DISC1: variants seen among roughly 807,000 people sequenced by gnomAD.
DISC1 encodes DISC1 scaffold protein, also known as disrupted in schizophrenia 1 protein.
Under a neutral mutation model 84.5 loss-of-function variants are expected in DISC1, and 57 were observed. The ratio of observed to expected loss-of-function variants is 0.67; its 90% CI spans 0.55 to 0.84. The LOEUF (loss-of-function observed/expected upper bound fraction) is 0.84. DISC1 is among the 40% of genes least tolerant of loss of function. The pLI, the probability that DISC1 is intolerant of heterozygous loss-of-function variation, is 0.00. For missense variants in DISC1, 1,000 were observed against 1,057.8 expected (o/e 0.95, Z 0.76); for synonymous variants, 411 against 415.2 (o/e 0.99, Z 0.12).
chr1:231,776,646 A>C (rs1021574802), intron 6 of DISC1, among the ~76,000 whole-genome samples: 1 of 152,240 alleles, frequency 6.6e-6, no homozygotes, highest in African/African-American at 2.4e-5. Context: ...AGGCATCCTC[A>C]TCACACCTGT....
chr1:231,958,288 T>C (rs1659868303), intron 9 of DISC1, among the ~76,000 whole-genome samples: 1 of 152,262 alleles, frequency 6.6e-6, no homozygotes, highest in African/African-American at 2.4e-5. Context: ...GCGCTGAGTT[T>C]ATCTCAAAGA....
intron 9 of DISC1, among the ~76,000 whole-genome samples, chr1:231,904,012 G>A (rs1020414880): frequency 6.6e-6 from 1 of 152,214 alleles, no homozygotes; most frequent in Admixed American, 6.5e-5. Flanking sequence ...GGTTCAGGCA[G>A]CATGGGAGCC....
At chr1:231,873,412 TATG>T (rs1199237294) in intron 9 of DISC1, among the ~76,000 whole-genome samples, 2 of 152,220 alleles carry the variant, frequency 1.3e-5, no homozygotes, top group African/African-American at 4.8e-5. Flanking sequence ...AGCCCCTTTC[TATG>T]ATGTCCTTTG....
At chr1:231,903,321 C>A (rs2088344049) in intron 9 of DISC1, among the ~76,000 whole-genome samples, 1 of 152,176 alleles carries the variant, frequency 6.6e-6, no homozygotes, top group South Asian at 2.1e-4. Context: ...GTGAAGACCT[C>A]CCTTATTTCC....
At chr1:231,999,466 C>G (rs573630875) in intron 10 of DISC1, among the ~76,000 whole-genome samples, 1 of 152,140 alleles carries the variant, frequency 6.6e-6, no homozygotes. Context: ...CAATAAGCAG[C>G]CAGGGGAGAG....
chr1:231,766,420 TA>T (rs35058807), intron 4 of DISC1, among the ~76,000 whole-genome samples: 1 of 150,856 alleles, frequency 6.6e-6, no homozygotes, highest in Non-Finnish European at 1.5e-5. Flanking sequence ...GTGCTGGGAA[TA>T]AAAAAAAATG....
rs73113441 is a variant in DISC1, at chr1:231,663,922, G to A, written c.68-29904G>A. On this transcript the variant is annotated intron_variant, in intron 1 of 12. Coordinates refer to ENST00000439617, the MANE Select transcript of DISC1 (RefSeq NM_018662.3). ...GCCCAAATACTGATCTTAATCCTAA[G>A]GATTAGCTAATAGAAGCATCATAGG... is the stretch of plus-strand genomic sequence containing the variant. Among the ~76,000 whole-genome samples the A allele has an allele frequency of 9.3e-4, 142 of 152,066 alleles. 1 individual carries two copies. Among genetic ancestry groups the A allele is most frequent in the African/African-American group, 3.2e-3 (134 of 41,464 alleles).
chr1:231,802,261 C>T (rs1339389617), intron 8 of DISC1, among the ~76,000 whole-genome samples: 4 of 152,172 alleles, frequency 2.6e-5, no homozygotes, highest in East Asian at 1.9e-4. Flanking sequence ...ATCATGAGGG[C>T]GGTTTCCCCC....
At chr1:231,860,807 T>G (rs988675551) in intron 9 of DISC1, among the ~76,000 whole-genome samples, 1 of 152,200 alleles carries the variant, frequency 6.6e-6, no homozygotes, top group African/African-American at 2.4e-5. Context: ...TCCCTACCCT[T>G]TATCTCTCAC....
chr1:231,974,452 G>T (rs552384333), intron 10 of DISC1, among the ~76,000 whole-genome samples: 1 of 152,184 alleles, frequency 6.6e-6, no homozygotes, highest in East Asian at 1.9e-4. Context: ...GTGAAAATAA[G>T]CCTAGTAAAA....
intron 9 of DISC1, among the ~76,000 whole-genome samples, chr1:231,898,189 A>C (rs1216539589): frequency 6.6e-6 from 1 of 152,252 alleles, no homozygotes; most frequent in Non-Finnish European, 1.5e-5. Flanking sequence ...GCAAATGTTT[A>C]ACAATGGTTA....
intron 4 of DISC1, among the ~76,000 whole-genome samples, chr1:231,755,813 C>T (rs779254925): frequency 6.6e-6 from 1 of 152,218 alleles, no homozygotes; most frequent in Non-Finnish European, 1.5e-5. Context: ...CTGTCTCTCT[C>T]ATTTCCACTC....
intron 3 of DISC1, among the ~76,000 whole-genome samples, chr1:231,718,530 G>A (rs989054341): frequency 1.3e-5 from 2 of 151,352 alleles, no homozygotes; most frequent in Non-Finnish European, 2.9e-5. Context: ...TCCGTCTCCC[G>A]GGTTCAAGCG....
At chr1:231,829,820 A>G (rs1432853913) in intron 9 of DISC1, among the ~76,000 whole-genome samples, 1 of 148,618 alleles carries the variant, frequency 6.7e-6, no homozygotes, top group Non-Finnish European at 1.5e-5. Context: ...TTGGGTAGGT[A>G]AAGGAAAATT....
chr1:231,706,322 T>C (rs2067087136), intron 3 of DISC1, among the ~76,000 whole-genome samples: 1 of 152,014 alleles, frequency 6.6e-6, no homozygotes, highest in Non-Finnish European at 1.5e-5. Context: ...GGAACTGTGG[T>C]CAGTACTGGA....
At chr1:231,871,964 C>T (rs1319852788) in intron 9 of DISC1, among the ~76,000 whole-genome samples, 1 of 152,174 alleles carries the variant, frequency 6.6e-6, no homozygotes, top group East Asian at 1.9e-4. Context: ...TGGAGAGTCC[C>T]ATCTCTGTAC....
In DISC1 at chr1:231,647,738, G is replaced by A. The variant is rs1572473741; in HGVS notation, c.67+20804G>A. Among the ~76,000 whole-genome samples the A allele has an allele frequency of 2.0e-5, 3 of 152,256 alleles. No individual in the cohort carries two copies. In the East Asian group the frequency reaches 5.8e-4, roughly 29 times the overall value. ...TTTGTGTCCTCTTTTATTTCGTTGA[G>A]CAGTAGTTTGTAGTTCTCCTTGAAG... On this transcript the variant is annotated intron_variant, in intron 1 of 12. Coordinates refer to ENST00000439617, the MANE Select transcript of DISC1 (RefSeq NM_018662.3).
In DISC1 at chr1:231,717,096, C is replaced by T. The variant is rs2068847424; in HGVS notation, c.1117+15072C>T. Among the ~76,000 whole-genome samples the T allele has an allele frequency of 2.0e-5, 3 of 152,178 alleles. No individual in the cohort carries two copies. The South Asian group carries it at 6.2e-4, about 32-fold the overall frequency. On this transcript the variant is annotated intron_variant, in intron 3 of 12. Coordinates refer to ENST00000439617, the MANE Select transcript of DISC1 (RefSeq NM_018662.3). ...CTCATCCTGTTGCTTGGCCCAGCTCCTATTCCTAAGTCAATGAGGGCTTCA... is the reference window on the plus strand; with the variant it reads ...CTCATCCTGTTGCTTGGCCCAGCTCTTATTCCTAAGTCAATGAGGGCTTCA...
intron 1 of DISC1, among the ~76,000 whole-genome samples, chr1:231,660,610 G>C (rs1185334613): frequency 6.6e-6 from 1 of 152,036 alleles, no homozygotes; most frequent in East Asian, 1.9e-4. Context: ...CGAGTAGCTG[G>C]GATTACAGGC....
Sources: allele counts gnomAD v4.1 joint callset (sites outside exome capture counted in the v4.1 genomes callset), GRCh38; gene constraint gnomAD v4.1.1; transcripts MANE v1.5; gene names NCBI Gene and HGNC (gene_info 2026-07-23, HGNC 2026-07-21).